Variants in CBR4 observed in about 807,000 individuals in gnomAD.
The protein encoded by CBR4 is 3-oxoacyl-[acyl-carrier-protein] reductase.
Under a neutral mutation model 21.0 loss-of-function variants are expected in CBR4, and 22 were observed. The observed-to-expected ratio is 1.05, with a 90% CI of 0.75 to 1.50. CBR4 has a LOEUF of 1.50. Ranked by LOEUF, CBR4 falls within the 40% of genes most tolerant of loss-of-function variation. CBR4 has a pLI of 0.00. For missense variants in CBR4, 302 were observed against 286.3 expected (o/e 1.05, Z -0.40); for synonymous variants, 100 against 104.4 (o/e 0.96, Z 0.26).
intron 2 of CBR4, among the ~76,000 whole-genome samples, chr4:168,944,809 A>G (rs1328455315): frequency 6.6e-6 from 1 of 152,180 alleles, no homozygotes; most frequent in Non-Finnish European, 1.5e-5. Context: ...TTATATTCCT[A>G]TGTGGTCTAG....
intron 2 of CBR4, among the ~76,000 whole-genome samples, chr4:168,955,708 TAAAGGCTGGGAAAA>T (rs1763664800): frequency 1.3e-5 from 2 of 152,236 alleles, no homozygotes; most frequent in Non-Finnish European, 2.9e-5. Context: ...GATCAAAGAT[TAAAGGCTGGGAAAA>T]CCAGCCTTAG....
At chr4:168,898,454 A>C in intron 2 of CBR4, 1 of 1,297,148 alleles carries the variant, frequency 7.7e-7, no homozygotes, top group Non-Finnish European at 1.1e-6. Flanking sequence ...CTTTGTCAGA[A>C]GGGATTGAGT....
intron 2 of CBR4, among the ~76,000 whole-genome samples, chr4:168,969,174 T>C (rs1212694827): frequency 6.6e-6 from 1 of 152,230 alleles, no homozygotes; most frequent in Non-Finnish European, 1.5e-5. Flanking sequence ...CTTGGACAAG[T>C]GAGCATAGAT....
intron 2 of CBR4, among the ~76,000 whole-genome samples, chr4:168,949,700 T>A (rs1405788520): frequency 2.6e-5 from 4 of 152,212 alleles, no homozygotes; most frequent in Non-Finnish European, 4.4e-5. Flanking sequence ...TGGTACCAAT[T>A]CTTCTTTGAA....
rs563423235 is a variant in CBR4 at position 168,953,604 on chromosome 4, T to A, written n.169+48467A>T. 1.7e-3 allele frequency among the ~76,000 whole-genome samples: 264 copies of A among 151,792 alleles called. 2 individuals are homozygous for A. The highest frequency in any genetic ancestry group is 3.7e-3 in the Admixed American group (56 of 15,220). On this transcript the variant is annotated intron_variant and non_coding_transcript_variant, in intron 2 of 3. Transcript: ENST00000509108. ...CTGCAAAGCTAATTTTTTTTTTTTT[T>A]TATAGAGACAGGATCTCGTGTGTTG...
At position 168,973,061 on chromosome 4, in the gene CBR4, T is replaced by C. The variant is rs141872060; in HGVS notation, n.169+29010A>G. Among the ~76,000 whole-genome samples, 102 of 152,332 alleles carry C rather than the reference T, an allele frequency of 6.7e-4. No individual in the cohort carries two copies. In the East Asian group the frequency reaches 0.018, roughly 27 times the overall value. On this transcript the variant is annotated intron_variant and non_coding_transcript_variant, in intron 2 of 3. Coordinates refer to the CBR4 transcript ENST00000509108. ...TTATCTTTGTTTTTACTTCTGTTTATGTGGTGTATTGCATCTATTGGCTTG... is the reference window on the plus strand; with the variant it reads ...TTATCTTTGTTTTTACTTCTGTTTACGTGGTGTATTGCATCTATTGGCTTG...
At chr4:168,914,471 A>T (rs1382512465) in intron 2 of CBR4, among the ~76,000 whole-genome samples, 1 of 152,336 alleles carries the variant, frequency 6.6e-6, no homozygotes, top group East Asian at 1.9e-4. Flanking sequence ...AGTTCAAAAC[A>T]TAAGACCATT....
intron 2 of CBR4, chr4:168,921,479 G>C (rs2126491696): frequency 8.3e-7 from 1 of 1,199,014 alleles, no homozygotes; most frequent in Non-Finnish European, 1.2e-6. Flanking sequence ...TTAGCTACCA[G>C]TGATTTCACT....
chr4:169,002,308 C>T, intron 3 of CBR4, 103 bp from the exon 4 acceptor site: 1 of 1,134,722 alleles, frequency 8.8e-7, no homozygotes, highest in Non-Finnish European at 1.1e-6. Flanking sequence ...AGGTAAAACC[C>T]ACTTCACCTT....
At chr4:168,977,351 C>T (rs1764403963) in intron 2 of CBR4, among the ~76,000 whole-genome samples, 1 of 152,186 alleles carries the variant, frequency 6.6e-6, no homozygotes, top group African/African-American at 2.4e-5. Context: ...TAGCACTCAG[C>T]TTTCTCCTGA....
At chr4:169,009,851 A>T (rs954665557) in intron 1 of CBR4, 97 bp downstream of exon 1, 1 of 1,168,452 alleles carries the variant, frequency 8.6e-7, no homozygotes, top group Non-Finnish European at 1.2e-6. Context: ...GTAACCCTAG[A>T]GCCCTAAAGG....
chr4:168,905,245 C>G (rs550115769), intron 2 of CBR4, among the ~76,000 whole-genome samples: 198 of 140,438 alleles, frequency 1.4e-3, no homozygotes, highest in Non-Finnish European at 2.1e-3. Flanking sequence ...CCGCCTCCTG[C>G]GTTCACACCA....
rs754210980 is a variant in CBR4 at position 169,007,765 on chromosome 4, CAA to C, written c.143-11_143-10del. On this transcript the variant is annotated splice_polypyrimidine_tract_variant and intron_variant, in intron 1 of 4. Coordinates refer to ENST00000306193, the MANE Select transcript of CBR4 (RefSeq NM_032783.5). The stretch of plus-strand genomic sequence containing the variant: ...AAATGCCAAATGATCTCCTACACAA[CAA>C]AGTTAAATAAGAATTACTTATAACT... 143 of 1,560,730 alleles carry C rather than the reference CAA, an allele frequency of 9.2e-5. 1 individual carries two copies. In the East Asian group the frequency reaches 3.1e-3, roughly 34 times the overall value.
At chr4:168,934,527 C>G (rs369079123) in intron 2 of CBR4, among the ~76,000 whole-genome samples, 1 of 151,918 alleles carries the variant, frequency 6.6e-6, no homozygotes, top group Non-Finnish European at 1.5e-5. Context: ...CAGAAACACA[C>G]AGGATCATTA....
chr4:168,942,037 A>G (rs1763278515), intron 2 of CBR4, among the ~76,000 whole-genome samples: 1 of 152,316 alleles, frequency 6.6e-6, no homozygotes, highest in Non-Finnish European at 1.5e-5. Context: ...TATATACCAT[A>G]GAATACTATG....
chr4:168,899,077 A>C (rs1201445156), intron 2 of CBR4, among the ~76,000 whole-genome samples: 1 of 152,190 alleles, frequency 6.6e-6, no homozygotes, highest in East Asian at 1.9e-4. Flanking sequence ...ATATGAACCC[A>C]GTGCTCTGTA....
chr4:168,925,666 A>T (rs1285758624), intron 2 of CBR4, among the ~76,000 whole-genome samples: 2 of 152,202 alleles, frequency 1.3e-5, no homozygotes, highest in Non-Finnish European at 2.9e-5. Flanking sequence ...AATCAGCATT[A>T]TGTTATCCAT....
intron 2 of CBR4, among the ~76,000 whole-genome samples, chr4:168,964,754 A>G (rs184188203): frequency 7.2e-5 from 11 of 152,342 alleles, no homozygotes; most frequent in Middle Eastern, 3.4e-3. Flanking sequence ...TCAGGAAAGA[A>G]GGGTCTCCAA....
intron 2 of CBR4, among the ~76,000 whole-genome samples, chr4:168,943,188 G>A (rs1170814184): frequency 6.6e-6 from 1 of 152,146 alleles, no homozygotes; most frequent in East Asian, 1.9e-4. Flanking sequence ...GCCACCTATA[G>A]GCCTGAAGGT....
Sources: gnomAD v4.1 joint callset for allele counts (sites outside exome capture counted in the v4.1 genomes callset) on GRCh38, gnomAD v4.1.1 for gene constraint, MANE v1.5 for transcripts, NCBI Gene and HGNC (gene_info 2026-07-23, HGNC 2026-07-21) for gene names.